TMSB4X: variants seen among roughly 807,000 people sequenced by gnomAD.
The protein encoded by TMSB4X is thymosin beta-4.
TMSB4X carries 1 observed loss-of-function variant against 3.6 expected under a neutral mutation model. The ratio of observed to expected loss-of-function variants is 0.28; its 90% confidence interval spans 0.10 to 1.32. The LOEUF is 1.32. TMSB4X is among the 40% of genes most tolerant of loss of function. The pLI is 0.45. For missense variants in TMSB4X, 6 were observed against 32.7 expected (o/e 0.18, Z 1.99); for synonymous variants, 12 against 14.3 (o/e 0.84, Z 0.36).
chrX:12,976,304 A>C lies in TMSB4X; in HGVS notation c.43A>C (p.Lys15Gln). Residue 15 changes from lysine (K) to glutamine (Q), a missense_variant, in exon 2 of 3, where the codon AAG becomes CAG. By Grantham distance (53) the Lys-to-Gln change is moderately conservative. Transcript: ENST00000451311. ...TATGGCTGAGATCGAGAAATTCGAT[A>C]AGTCGAAACTGAAGAAGACAGAGAC... is the stretch of plus-strand genomic sequence containing the variant. ...PDMAEIEKFD[K>Q]SKLKKTETQE... 1 of 1,211,168 alleles carries C rather than the reference A, an allele frequency of 8.3e-7. No homozygotes were observed.
chrX:12,976,405 G>A, intron 2 of TMSB4X, 44 bp downstream of exon 2: 3 of 1,125,600 alleles, frequency 2.7e-6, no homozygotes, highest in Non-Finnish European at 3.7e-6. Flanking sequence ...CTGGGTGGGA[G>A]CGGCCGGTGG....
At chrX:12,976,490 GA>G in intron 2 of TMSB4X, 129 bp downstream of exon 2, 1 of 605,827 alleles carries the variant, frequency 1.7e-6, no homozygotes, top group Middle Eastern at 3.4e-4. Context: ...GACAGTTGAT[GA>G]ATGTGGCTTG....
intron 2 of TMSB4X, 152 bp downstream of exon 2, chrX:12,976,513 TA>T: frequency 1.8e-6 from 1 of 568,917 alleles, no homozygotes; most frequent in Non-Finnish European, 2.8e-6. Flanking sequence ...AAAGGTTAAT[TA>T]AAAATGGTTT....
At chrX:12,976,458 G>T (rs371603842) in intron 2 of TMSB4X, 97 bp downstream of exon 2, 33 of 711,115 alleles carry the variant, frequency 4.6e-5, no homozygotes, top group South Asian at 4.1e-4. Flanking sequence ...AATTCGGGAG[G>T]GGGGAGTGCG....
At chrX:12,975,284 C>T (rs1332657105) in intron 1 of TMSB4X, 116 bp downstream of exon 1, 1 of 115,305 alleles carries the variant, frequency 8.7e-6, no homozygotes, top group Middle Eastern at 6.8e-4. Context: ...TGGTTCTCCC[C>T]GGGAAGGCTA....
At chrX:12,976,748 CTTTTTTT>C in intron 2 of TMSB4X, 22 bp from the exon 3 acceptor site, 3 of 1,074,516 alleles carry the variant, frequency 2.8e-6, no homozygotes, top group East Asian at 3.3e-5. Flanking sequence ...CTCCCTCCAT[CTTTTTTT>C]TTTTTTTTTT....
chrX:12,975,394 G>C (rs1282655126), intron 1 of TMSB4X: 2 of 113,765 alleles, frequency 1.8e-5, no homozygotes, highest in African/African-American at 6.5e-5. Context: ...GCGTTTTGCC[G>C]TGCCGCTCGG....
chrX:12,976,441 C>T (rs2043296795), intron 2 of TMSB4X, 80 bp downstream of exon 2: 4 of 813,309 alleles, frequency 4.9e-6, no homozygotes, highest in South Asian at 5.1e-5. Context: ...GGAGCGGCCG[C>T]GGGAAGAATT....
intron 2 of TMSB4X, 25 bp downstream of exon 2, chrX:12,976,386 TTAG>T: frequency 8.5e-7 from 1 of 1,178,263 alleles, no homozygotes; most frequent in Non-Finnish European, 1.2e-6. Flanking sequence ...ACCCCCATCT[TTAG>T]AAAGGCTGGG....
At chrX:12,975,749 A>G in intron 1 of TMSB4X, 1 of 113,881 alleles carries the variant, frequency 8.8e-6, no homozygotes, top group South Asian at 3.4e-4. Context: ...GGTGGTCGGA[A>G]GCTCCAGCCG....
At position 12,976,741 on chromosome X, in the gene TMSB4X, C is replaced by A. The variant is rs770243083; in HGVS notation, c.101-36C>A. The stretch of plus-strand genomic sequence containing the variant: ...CTGTACTGAATCCTTTAATCATCTC[C>A]CTCCATCTTTTTTTTTTTTTTTTTT... On this transcript the variant is annotated intron_variant, in intron 2 of 2. Transcript: ENST00000451311. 3 of 1,151,693 alleles carry A rather than the reference C, an allele frequency of 2.6e-6. No individual in the cohort carries two copies. In the Admixed American group the frequency reaches 7.9e-5, roughly 30 times the overall value. 94.9% of individuals were successfully genotyped at this position (1,151,693 alleles called of 1,213,427 possible). A position where few individuals can be genotyped will look rare whatever the true frequency, so the allele number is the denominator to read the frequency against.
At chrX:12,976,394 G>A (rs779167088) in intron 2 of TMSB4X, 33 bp downstream of exon 2, 7 of 1,162,746 alleles carry the variant, frequency 6.0e-6, no homozygotes, top group Admixed American at 2.2e-5. Context: ...CTTTAGAAAG[G>A]CTGGGTGGGA....
chrX:12,976,694 C>T lies in TMSB4X; in HGVS notation c.101-83C>T, dbSNP rs2043298153. 2.8e-6 allele frequency: 3 copies of T among 1,068,479 alleles called. No individual in the cohort carries two copies. In the African/African-American group the frequency reaches 5.8e-5, roughly 21 times the overall value. The allele number at this position is 1,068,479 out of a possible 1,213,427, so 88.1% of individuals were successfully genotyped here. A position where few individuals can be genotyped will look rare whatever the true frequency, so the allele number is the denominator to read the frequency against. On this transcript the variant is annotated intron_variant, in intron 2 of 2. Coordinates refer to ENST00000451311, the MANE Select transcript of TMSB4X (RefSeq NM_021109.4). ...AGAATGTTTATGATTTGAAAAGATG[C>T]TTTAAATGAAAGCCCTTTAGTCTGT...
rs753732601 is a variant in TMSB4X at position 12,976,808 on chromosome X, G to C, written c.132G>C (p.Ser44=). 1 of 1,191,649 alleles carries C rather than the reference G, an allele frequency of 8.4e-7. No homozygotes were observed. The highest frequency in any genetic ancestry group is 1.1e-6 in the Non-Finnish European group (1 of 888,244). Residue 44 remains serine (S), a synonymous_variant, in exon 3 of 3, where the codon TCG becomes TCC. Coordinates refer to ENST00000451311, the MANE Select transcript of TMSB4X (RefSeq NM_021109.4). ...AACAGGAGAAGCAAGCAGGCGAATC[G>C]TAATGAGGCGTGCGCCGCCAATATG... The part of the protein sequence containing the change: ...TIEQEKQAGE[S]
At chrX:12,976,156 C>T (rs2043295024) in intron 1 of TMSB4X, 90 bp from the exon 2 acceptor site, 3 of 626,968 alleles carry the variant, frequency 4.8e-6, no homozygotes, top group East Asian at 6.9e-5. Context: ...TTTCAGGCTG[C>T]GGGTCGGAGG....
chrX:12,976,801 G>A lies in TMSB4X; in HGVS notation c.125G>A (p.Gly42Asp), dbSNP rs764066105. 1.7e-6 allele frequency: 2 copies of A among 1,196,325 alleles called. No homozygotes were observed. The highest frequency in any genetic ancestry group is 2.2e-6 in the Non-Finnish European group (2 of 890,790). The change falls in exon 3 of 3, where the codon GGC becomes GAC. Residue 42 changes from glycine to aspartate, a missense_variant. Physicochemically the swap from Gly to Asp is moderately conservative, Grantham distance 94. Coordinates refer to ENST00000451311, the MANE Select transcript of TMSB4X (RefSeq NM_021109.4). ...KETIEQEKQAGES is the reference protein window; with the variant it reads ...KETIEQEKQADES Reference sequence around the variant, plus strand: ...GCGATTGAACAGGAGAAGCAAGCAGGCGAATCGTAATGAGGCGTGCGCCGC... The same window carrying A: ...GCGATTGAACAGGAGAAGCAAGCAGACGAATCGTAATGAGGCGTGCGCCGC...
At chrX:12,976,716 CTG>C (rs2043298195) in intron 2 of TMSB4X, 59 bp from the exon 3 acceptor site, 2 of 1,146,460 alleles carry the variant, frequency 1.7e-6, no homozygotes, top group South Asian at 1.9e-5. Context: ...GCCCTTTAGT[CTG>C]TACTGAATCC....
At chrX:12,976,196 G>C in intron 1 of TMSB4X, 50 bp from the exon 2 acceptor site, 1 of 974,064 alleles carries the variant, frequency 1.0e-6, no homozygotes, top group Non-Finnish European at 1.5e-6. Context: ...CCCAGAGACA[G>C]CGGGGCGGGT....
intron 1 of TMSB4X, 184 bp from the exon 2 acceptor site, chrX:12,976,062 C>T: frequency 2.5e-6 from 1 of 403,849 alleles, no homozygotes; most frequent in Admixed American, 4.4e-5. Context: ...GGAGGAGGGG[C>T]GCGGGGGGTG....
Sources: gnomAD v4.1 joint callset for allele counts on GRCh38, gnomAD v4.1.1 for gene constraint, MANE v1.5 for transcripts, NCBI Gene and HGNC (gene_info 2026-07-23, HGNC 2026-07-21) for gene names.